Variants in INTS6 observed in about 807,000 individuals in gnomAD.
The protein encoded by INTS6 is DEAD box protein.
A neutral mutation model predicts 104.9 loss-of-function variants in INTS6; 16 were observed. That is an observed-to-expected ratio of 0.15 (90% CI 0.10 to 0.23). INTS6 has a LOEUF of 0.23. INTS6 is among the 10% of genes least tolerant of loss of function. The pLI is 1.00. For synonymous variants in INTS6, 324 were observed against 358.7 expected (o/e 0.90, Z 1.09); for missense variants, 584 against 1,062.8 (o/e 0.55, Z 6.26).
At chr13:51,410,732 A>G (rs1956668965) in intron 4 of INTS6, among the ~76,000 whole-genome samples, 1 of 152,188 alleles carries the variant, frequency 6.6e-6, no homozygotes, top group Non-Finnish European at 1.5e-5. Flanking sequence ...AAGACACTCT[A>G]AAATATAAAA....
intron 3 of INTS6, among the ~76,000 whole-genome samples, chr13:51,435,236 A>T (rs1957165692): frequency 6.6e-6 from 1 of 152,050 alleles, no homozygotes; most frequent in Admixed American, 6.5e-5. Flanking sequence ...TTTTACTCTC[A>T]GAGCAGTGGT....
At chr13:51,400,987 T>C (rs1274314358) in intron 4 of INTS6, among the ~76,000 whole-genome samples, 1 of 152,206 alleles carries the variant, frequency 6.6e-6, no homozygotes, top group African/African-American at 2.4e-5. Flanking sequence ...CATATTAATA[T>C]GAAGATAATT....
chr13:51,453,003 T>G lies in INTS6; in HGVS notation c.-478A>C. On this transcript the variant is annotated 5_prime_UTR_variant, in exon 1 of 18. Coordinates refer to ENST00000311234, the MANE Select transcript of INTS6 (RefSeq NM_012141.3). Reference sequence around the variant, plus strand: ...GGACTCCCTCCGCACCCCGGCGGTGTCACCACTTTCTCAGCCCCTCTCGCT... The same window carrying G: ...GGACTCCCTCCGCACCCCGGCGGTGGCACCACTTTCTCAGCCCCTCTCGCT... 2.0e-6 allele frequency: 2 copies of G among 1,009,112 alleles called. No individual in the cohort carries two copies. The highest frequency in any genetic ancestry group is 2.4e-6 in the Non-Finnish European group (2 of 844,332). The allele number at this position is 1,009,112 out of a possible 1,614,324, so 62.5% of individuals were successfully genotyped here. A position where few individuals can be genotyped will look rare whatever the true frequency, so the allele number is the denominator to read the frequency against.
intron 3 of INTS6, among the ~76,000 whole-genome samples, chr13:51,433,431 G>T (rs1208100780): frequency 1.3e-5 from 2 of 152,256 alleles, no homozygotes; most frequent in African/African-American, 4.8e-5. Context: ...CTGGGCGACA[G>T]AGTGAGACTC....
intron 15 of INTS6, among the ~76,000 whole-genome samples, chr13:51,369,547 C>T (rs2137864690): frequency 6.6e-6 from 1 of 152,228 alleles, no homozygotes; most frequent in East Asian, 1.9e-4. Context: ...AAAATAAAGC[C>T]AATTTCAAGT....
the INTS6 span, among the ~76,000 whole-genome samples, chr13:51,345,231 G>A: frequency 4.3e-4 from 65 of 152,248 alleles, no homozygotes; most frequent in Admixed American, 4.6e-4. Flanking sequence ...CCTGCCCAGG[G>A]TCCACAGGCC....
chr13:51,353,953 C>T (rs1045515685), downstream of INTS6: 1 of 152,066 alleles, frequency 6.6e-6, no homozygotes, highest in Admixed American at 6.5e-5. Context: ...AATGCCTTGT[C>T]CCTGGGGAAA....
chr13:51,357,450 G>A (rs1040559399), downstream of INTS6, among the ~76,000 whole-genome samples: 1 of 152,070 alleles, frequency 6.6e-6, no homozygotes, highest in Non-Finnish European at 1.5e-5. Context: ...TCCAGTTTAC[G>A]AGGGATTACC....
In INTS6 at chr13:51,401,188, T is replaced by G. The variant is rs529924014; in HGVS notation, c.430-5705A>C. Among the ~76,000 whole-genome samples, 5 of 151,976 alleles carry G rather than the reference T, an allele frequency of 3.3e-5. No individual in the cohort carries two copies. The South Asian group carries it at 1.0e-3, about 31-fold the overall frequency. ...ACCCCTAACAAAGAGTTATTCTTGA[T>G]CAGCCATTAAAATACACTGCAAGAA... On this transcript the variant is annotated intron_variant, in intron 4 of 17. Transcript: ENST00000311234.
chr13:51,425,046 T>C (rs1956961918), intron 4 of INTS6, among the ~76,000 whole-genome samples: 1 of 152,080 alleles, frequency 6.6e-6, no homozygotes, highest in Admixed American at 6.6e-5. Flanking sequence ...GAGGGAGCTG[T>C]GGTTTTTTAA....
At chr13:51,361,413 C>T (rs1473107417), downstream of INTS6, 3 of 1,140,904 alleles carry the variant, frequency 2.6e-6, no homozygotes, top group African/African-American at 4.6e-5. Context: ...ATCTACCTTT[C>T]TGAAATTTAC....
At chr13:51,342,150 A>G in the INTS6 span, among the ~76,000 whole-genome samples, 3 of 142,344 alleles carry the variant, frequency 2.1e-5, no homozygotes, top group Non-Finnish European at 4.5e-5. Context: ...TTCCTAGACT[A>G]GGATCTAGGA....
chr13:51,433,097 A>T (rs1471948863), intron 3 of INTS6, among the ~76,000 whole-genome samples: 1 of 152,228 alleles, frequency 6.6e-6, no homozygotes, highest in Admixed American at 6.5e-5. Context: ...CCACCACAGC[A>T]TGGACCAAAT....
At chr13:51,437,126 T>C (rs377561921) in intron 3 of INTS6, 2 of 152,182 alleles carry the variant, frequency 1.3e-5, no homozygotes, top group African/African-American at 4.8e-5. Flanking sequence ...GTTAGAAATA[T>C]GTTTTTTAAA....
At chr13:51,374,080 A>G in intron 15 of INTS6, 128 bp downstream of exon 15, 1 of 681,508 alleles carries the variant, frequency 1.5e-6, no homozygotes, top group African/African-American at 1.8e-5. Context: ...ATTTAAACAA[A>G]TTTTCTATAC....
At chr13:51,397,106 C>T (rs9568585) in intron 4 of INTS6, among the ~76,000 whole-genome samples, 1 of 151,976 alleles carries the variant, frequency 6.6e-6, no homozygotes, top group Non-Finnish European at 1.5e-5. Flanking sequence ...ATTTTTTATA[C>T]TAATTTCTTC....
intron 7 of INTS6, 96 bp downstream of exon 7, chr13:51,387,290 C>T (rs942334262): frequency 2.6e-6 from 3 of 1,152,544 alleles, no homozygotes; most frequent in Non-Finnish European, 3.6e-6. Context: ...TGTCTAATCC[C>T]CATAAATTAA....
At chr13:51,335,418 T>A in the INTS6 span, among the ~76,000 whole-genome samples, 1 of 152,154 alleles carries the variant, frequency 6.6e-6, no homozygotes, top group Non-Finnish European at 1.5e-5. Flanking sequence ...TGGTAACCCA[T>A]CAAATCCAAA....
At chr13:51,373,493 T>C (rs17790838) in intron 15 of INTS6, among the ~76,000 whole-genome samples, 3,610 of 152,274 alleles carry the variant, frequency 0.024, 58 homozygotes, top group South Asian at 0.059. Flanking sequence ...AAGTTGAAAA[T>C]AGCTTCCAAG....
Sources: allele counts gnomAD v4.1 joint callset (sites outside exome capture counted in the v4.1 genomes callset), GRCh38; gene constraint gnomAD v4.1.1; transcripts MANE v1.5; gene names NCBI Gene and HGNC (gene_info 2026-07-23, HGNC 2026-07-21).